Variants in PIEZO2 observed in about 807,000 individuals in gnomAD.
PIEZO2 encodes piezo type mechanosensitive ion channel component 2, also known as piezo-type mechanosensitive ion channel component 2.
In PIEZO2, 172 loss-of-function variants were observed where a neutral mutation model predicts 337.3. The observed-to-expected ratio is 0.51, with a 90% CI of 0.45 to 0.58. The LOEUF (loss-of-function observed/expected upper bound fraction) is 0.58. PIEZO2 is among the 20% of genes least tolerant of loss of function. PIEZO2 has a pLI of 0.00. For synonymous variants in PIEZO2, 1,251 were observed against 1,228.5 expected, an observed-to-expected ratio of 1.02 and a Z score of -0.38; for missense variants, 3,028 against 3,391.3, an observed-to-expected ratio of 0.89 and a Z score of 2.66.
chr18:10,960,749 G>A (rs2145374355), intron 3 of PIEZO2, among the ~76,000 whole-genome samples: 1 of 152,270 alleles, frequency 6.6e-6, no homozygotes, highest in Admixed American at 6.5e-5. Flanking sequence ...ACCTCCTGCT[G>A]CAATCTTTGT....
intron 5 of PIEZO2, among the ~76,000 whole-genome samples, chr18:10,869,761 C>T (rs1185211059): frequency 1.3e-5 from 2 of 152,304 alleles, no homozygotes; most frequent in Non-Finnish European, 2.9e-5. Flanking sequence ...TTAGTAGTGA[C>T]TTTGACTTTA....
In PIEZO2 at chr18:10,993,422, G is replaced by A. The variant is rs2035182907; in HGVS notation, c.161-13762C>T. The stretch of plus-strand genomic sequence containing the variant: ...TTATTGAGAGTTTTTAGCATGAAGG[G>A]GTGTTGAATTTTGTTGAAAGCCTTT... On this transcript the variant is annotated intron_variant, in intron 2 of 55. Transcript: ENST00000674853. This position sits in a 1 kb window ranked among gnomAD's most constrained non-coding sequence, Gnocchi z 5.0. 6.6e-6 allele frequency among the ~76,000 whole-genome samples: 1 copy of A among 152,034 alleles called. No homozygotes were observed. Among genetic ancestry groups the A allele is most frequent in the Admixed American group, 6.6e-5 (1 of 15,266 alleles).
chr18:10,811,078 T>A (rs1326816148), intron 7 of PIEZO2, among the ~76,000 whole-genome samples: 1 of 152,198 alleles, frequency 6.6e-6, no homozygotes, highest in Non-Finnish European at 1.5e-5. Flanking sequence ...GGCCTGATAT[T>A]CCTTATAGTT....
intron 2 of PIEZO2, among the ~76,000 whole-genome samples, chr18:11,051,344 G>GAT (rs1555700522): frequency 1.6e-5 from 1 of 61,496 alleles, no homozygotes; most frequent in East Asian, 2.8e-4. Context: ...CATCACTTAG[G>GAT]ATGTGTGTGT....
intron 4 of PIEZO2, among the ~76,000 whole-genome samples, chr18:10,889,052 A>G (rs1331041860): frequency 6.6e-6 from 1 of 152,228 alleles, no homozygotes; most frequent in Non-Finnish European, 1.5e-5. Context: ...AAGGCAAGGA[A>G]TGATGAAAAG....
intron 16 of PIEZO2, among the ~76,000 whole-genome samples, chr18:10,785,390 TC>T (rs2039182667): frequency 6.6e-6 from 1 of 152,216 alleles, no homozygotes; most frequent in Non-Finnish European, 1.5e-5. Flanking sequence ...GATTTACACA[TC>T]ATCCTTACAC....
chr18:10,736,931 G>T (rs1333888456), intron 33 of PIEZO2, among the ~76,000 whole-genome samples: 1 of 151,756 alleles, frequency 6.6e-6, no homozygotes, highest in Non-Finnish European at 1.5e-5. Flanking sequence ...CCTTGTCTTT[G>T]CCATGTAAGA....
chr18:10,986,383 T>C (rs1348031599), intron 2 of PIEZO2, among the ~76,000 whole-genome samples: 1 of 151,992 alleles, frequency 6.6e-6, no homozygotes, highest in Non-Finnish European at 1.5e-5. Context: ...AAGGATTATA[T>C]ACCATAATCA....
chr18:10,788,554 C>T (rs2039310067), intron 15 of PIEZO2, among the ~76,000 whole-genome samples: 1 of 151,240 alleles, frequency 6.6e-6, no homozygotes, highest in Admixed American at 6.6e-5. Flanking sequence ...GAACTTTTTC[C>T]TGATTTTTCA....
chr18:10,875,872 C>T (rs989084508), intron 4 of PIEZO2, among the ~76,000 whole-genome samples: 19 of 152,208 alleles, frequency 1.2e-4, no homozygotes, highest in Admixed American at 2.0e-4. Context: ...ATGTAGTTTG[C>T]TAAAGCAATT....
chr18:10,802,103 A>AAAAG (rs1400946011), intron 9 of PIEZO2, among the ~76,000 whole-genome samples: 18 of 150,662 alleles, frequency 1.2e-4, no homozygotes, highest in South Asian at 4.2e-4. Context: ...AAAAAAAAAA[A>AAAAG]AAAGAAAGAA....
Position 11,050,524 on chromosome 18 carries a change from T to TACACAC in PIEZO2, c.160+15597_160+15602dup, listed in dbSNP as rs56107549. Among the ~76,000 whole-genome samples the TACACAC allele has an allele frequency of 4.0e-3, 596 of 149,066 alleles. 5 individuals are homozygous for TACACAC. The highest frequency in any genetic ancestry group is 0.014 in the African/African-American group (572 of 40,578). ...GATAAGGTGCTTTTGGTGTTTATTT[T>TACACAC]ACACACACACACACACACACACACA... On this transcript the variant is annotated intron_variant, in intron 2 of 55. Transcript: ENST00000674853.
In PIEZO2 at chr18:11,131,470, C is replaced by T. The variant is rs544648403; in HGVS notation, c.64+17055G>A. Among the ~76,000 whole-genome samples the T allele has an allele frequency of 4.6e-5, 7 of 152,250 alleles. No homozygotes were observed. Among genetic ancestry groups the T allele is most frequent in the East Asian group, 1.9e-4 (1 of 5,166 alleles). The stretch of plus-strand genomic sequence containing the variant: ...GGCCTGGTTCACAGATAGTTCTGCA[C>T]GATATGTAGGCACCATGTGAACATG... On this transcript the variant is annotated intron_variant, in intron 1 of 55. Coordinates refer to ENST00000674853, the MANE Select transcript of PIEZO2 (RefSeq NM_001378183.1). The surrounding 1 kb of genome is among the most constrained non-coding windows in gnomAD (Gnocchi z 5.3).
rs530131469 is a variant in PIEZO2 at position 11,001,351 on chromosome 18, C to T, written c.161-21691G>A. 3.9e-5 allele frequency among the ~76,000 whole-genome samples: 6 copies of T among 152,142 alleles called. No individual in the cohort carries two copies. The highest frequency in any genetic ancestry group is 1.3e-4 in the Admixed American group (2 of 15,292). The stretch of plus-strand genomic sequence containing the variant: ...GCACATCTTGCTAGGCATGCACCAC[C>T]GAAAAAGTTATTCCTCTAGGGAACT... On this transcript the variant is annotated intron_variant, in intron 2 of 55. Transcript: ENST00000674853. This position sits in a 1 kb window ranked among gnomAD's most constrained non-coding sequence, Gnocchi z 5.3.
intron 36 of PIEZO2, among the ~76,000 whole-genome samples, chr18:10,723,280 G>C (rs2036398113): frequency 1.3e-5 from 2 of 152,140 alleles, no homozygotes; most frequent in South Asian, 2.1e-4. Flanking sequence ...AGGAGGCAGT[G>C]ATTAACTGTA....
chr18:11,024,666 G>C (rs1244079623), intron 2 of PIEZO2, among the ~76,000 whole-genome samples: 1 of 151,926 alleles, frequency 6.6e-6, no homozygotes, highest in Non-Finnish European at 1.5e-5. Context: ...TTGAGACGGA[G>C]TTTCACTCTT....
chr18:10,734,257 A>G (rs945872759), intron 35 of PIEZO2, among the ~76,000 whole-genome samples: 2 of 152,216 alleles, frequency 1.3e-5, no homozygotes, highest in African/African-American at 4.8e-5. Context: ...AGAAATGGTA[A>G]ATACTACACT....
At chr18:10,688,824 G>T (rs1394618242) in intron 49 of PIEZO2, among the ~76,000 whole-genome samples, 1 of 151,976 alleles carries the variant, frequency 6.6e-6, no homozygotes, top group Non-Finnish European at 1.5e-5. Context: ...ATGTTCCTTC[G>T]ATAGAGAGGC....
Position 10,830,593 on chromosome 18 carries a change from G to A in PIEZO2, c.918-23319C>T, listed in dbSNP as rs1202683341. 6.6e-6 allele frequency among the ~76,000 whole-genome samples: 1 copy of A among 152,130 alleles called. No individual in the cohort carries two copies. Among genetic ancestry groups the A allele is most frequent in the Admixed American group, 6.6e-5 (1 of 15,262 alleles). On this transcript the variant is annotated intron_variant, in intron 7 of 55. Transcript: ENST00000674853. The surrounding 1 kb of genome is among the most constrained non-coding windows in gnomAD (Gnocchi z 4.7). ...TAAAACTACTAAAAGAAAACATTGG[G>A]AAAAATCTCCAGGACATTGGTCTGG...
Sources: allele counts gnomAD v4.1 joint callset (sites outside exome capture counted in the v4.1 genomes callset), GRCh38; gene constraint gnomAD v4.1.1; non-coding constraint Gnocchi (gnomAD v3.1); transcripts MANE v1.5; gene names NCBI Gene and HGNC (gene_info 2026-07-23, HGNC 2026-07-21).